SCLT1: variants seen among roughly 807,000 people sequenced by gnomAD.
SCLT1 encodes sodium channel and clathrin linker 1.
A neutral mutation model predicts 112.8 loss-of-function variants in SCLT1; 78 were observed. That is an observed-to-expected ratio of 0.69 (90% CI 0.58 to 0.83). SCLT1 has a LOEUF of 0.83. Ranked by LOEUF, SCLT1 falls within the 40% of genes least tolerant of loss-of-function variation. SCLT1 has a pLI of 0.00. For synonymous variants in SCLT1, 257 were observed against 254.7 expected (o/e 1.01, Z -0.09); for missense variants, 747 against 770.4 (o/e 0.97, Z 0.36).
At chr4:129,012,867 G>A (rs1249408449) in intron 5 of SCLT1, among the ~76,000 whole-genome samples, 1 of 150,502 alleles carries the variant, frequency 6.6e-6, no homozygotes, top group East Asian at 2.0e-4. Flanking sequence ...CATTTGCTTA[G>A]TAAATCTTCC....
chr4:128,924,876 G>A (rs1440332139), intron 18 of SCLT1, among the ~76,000 whole-genome samples: 1 of 152,122 alleles, frequency 6.6e-6, no homozygotes, highest in Non-Finnish European at 1.5e-5. Context: ...AACGTGATAT[G>A]ATGTCACTTT....
chr4:128,914,464 G>C (rs186417463), intron 18 of SCLT1, among the ~76,000 whole-genome samples: 1 of 152,232 alleles, frequency 6.6e-6, no homozygotes, highest in Non-Finnish European at 1.5e-5. Context: ...ATAAAAAATA[G>C]GAAGTGATGA....
chr4:129,039,963 A>C lies in SCLT1; in HGVS notation c.235-867T>G, dbSNP rs1747553532. ...CTGAATTTACATGTAAAAGCATGCA[A>C]AATCTCACTTAAAACGGTAACTAAT... On this transcript the variant is annotated intron_variant, in intron 4 of 20. Transcript: ENST00000281142. 5.8e-6 allele frequency: 3 copies of C among 519,018 alleles called. No homozygotes were observed. In the East Asian group the frequency reaches 9.3e-5, roughly 16 times the overall value. The allele number at this position is 519,018 out of a possible 1,614,324, so 32.2% of individuals were successfully genotyped here.
At chr4:128,880,597 A>ACTT (rs577951683), downstream of SCLT1, among the ~76,000 whole-genome samples, 8 of 152,314 alleles carry the variant, frequency 5.3e-5, 1 homozygote, top group South Asian at 1.4e-3. Flanking sequence ...TTTGAAAAAG[A>ACTT]CTTAGGATTT....
intron 2 of SCLT1, among the ~76,000 whole-genome samples, chr4:129,061,471 CAGA>C (rs1327406422): frequency 5.3e-5 from 8 of 152,190 alleles, no homozygotes; most frequent in African/African-American, 1.7e-4. Flanking sequence ...AGCAATTTCC[CAGA>C]AGGTGATAGC....
intron 1 of SCLT1, among the ~76,000 whole-genome samples, chr4:129,083,905 TAAAG>T (rs949764150): frequency 3.6e-4 from 54 of 151,384 alleles, no homozygotes; most frequent in African/African-American, 1.1e-3. Flanking sequence ...GCCCAGAAAA[TAAAG>T]AAATTGAAAA....
chr4:129,092,521 C>T (rs1752937322), intron 1 of SCLT1, among the ~76,000 whole-genome samples: 1 of 152,166 alleles, frequency 6.6e-6, no homozygotes, highest in African/African-American at 2.4e-5. Flanking sequence ...AAATCCTTTA[C>T]ATATTTTAAT....
At chr4:128,937,333 T>C (rs1323093745) in intron 17 of SCLT1, among the ~76,000 whole-genome samples, 2 of 151,990 alleles carry the variant, frequency 1.3e-5, no homozygotes, top group East Asian at 1.9e-4. Flanking sequence ...TTGGTCTTCA[T>C]TACAAACGAA....
At chr4:129,003,991 T>C (rs752426949) in intron 5 of SCLT1, 115 bp from the exon 6 acceptor site, 10 of 876,098 alleles carry the variant, frequency 1.1e-5, no homozygotes, top group Non-Finnish European at 1.8e-5. Context: ...AAATCATTTT[T>C]AAGTAGACTT....
chr4:128,963,485 G>A (rs1346265365), intron 11 of SCLT1, among the ~76,000 whole-genome samples: 1 of 152,090 alleles, frequency 6.6e-6, no homozygotes, highest in Non-Finnish European at 1.5e-5. Flanking sequence ...CTTCACCTGT[G>A]AATACGAAAG....
At chr4:128,997,759 A>G in intron 8 of SCLT1, 115 bp downstream of exon 8, 2 of 517,274 alleles carry the variant, frequency 3.9e-6, no homozygotes, top group South Asian at 3.4e-5. Context: ...AAAGCAAAAG[A>G]AAAAACAGTA....
intron 20 of SCLT1, among the ~76,000 whole-genome samples, chr4:128,886,471 G>T (rs915827062): frequency 1.3e-5 from 2 of 151,924 alleles, no homozygotes; most frequent in Non-Finnish European, 2.9e-5. Context: ...TTCAGAGAGG[G>T]TAAAGATAAA....
intron 18 of SCLT1, among the ~76,000 whole-genome samples, chr4:128,912,908 A>T (rs879703065): frequency 2.0e-5 from 3 of 152,202 alleles, no homozygotes; most frequent in Admixed American, 2.0e-4. Flanking sequence ...CACATATACC[A>T]CTGGTCAAGA....
intron 12 of SCLT1, among the ~76,000 whole-genome samples, chr4:128,957,564 C>T (rs1739326020): frequency 6.6e-6 from 1 of 152,048 alleles, no homozygotes. Flanking sequence ...CTTGTTTTGT[C>T]TCTTTGATGT....
At chr4:128,946,637 A>C (rs1161898965) in intron 15 of SCLT1, among the ~76,000 whole-genome samples, 1 of 152,232 alleles carries the variant, frequency 6.6e-6, no homozygotes, top group East Asian at 1.9e-4. Context: ...ATAATACAAA[A>C]ATGTAAAGCA....
chr4:128,981,921 G>C (rs1741692887), intron 9 of SCLT1, among the ~76,000 whole-genome samples: 2 of 152,144 alleles, frequency 1.3e-5, no homozygotes, highest in Non-Finnish European at 2.9e-5. Context: ...AGAGTGACAT[G>C]ATCGGACATA....
intron 18 of SCLT1, among the ~76,000 whole-genome samples, chr4:128,908,380 T>TAAAAAA (rs11432450): frequency 2.2e-5 from 3 of 137,720 alleles, no homozygotes; most frequent in Non-Finnish European, 3.1e-5. Context: ...TCCTGTTAAT[T>TAAAAAA]AAAAAAAAAA....
intron 5 of SCLT1, among the ~76,000 whole-genome samples, chr4:129,034,785 C>A (rs980055035): frequency 6.6e-6 from 1 of 151,218 alleles, no homozygotes; most frequent in Non-Finnish European, 1.5e-5. Flanking sequence ...CACGACTATT[C>A]AACTTCATAG....
intron 5 of SCLT1, among the ~76,000 whole-genome samples, chr4:129,005,241 A>G (rs1245786956): frequency 6.6e-6 from 1 of 152,202 alleles, no homozygotes; most frequent in Non-Finnish European, 1.5e-5. Flanking sequence ...CATTTTCATC[A>G]TATGGTTATC....
Sources: gnomAD v4.1 joint callset for allele counts (sites outside exome capture counted in the v4.1 genomes callset) on GRCh38, gnomAD v4.1.1 for gene constraint, MANE v1.5 for transcripts, NCBI Gene and HGNC (gene_info 2026-07-23, HGNC 2026-07-21) for gene names.